CENPU: variants seen among roughly 807,000 people sequenced by gnomAD.
The protein encoded by CENPU is centromere protein U, also known as KSHV latent nuclear antigen interacting protein 1.
CENPU carries 46 observed loss-of-function variants against 56.7 expected under a neutral mutation model. The ratio of observed to expected loss-of-function variants is 0.81; its 90% CI spans 0.64 to 1.04. The LOEUF (loss-of-function observed/expected upper bound fraction) is 1.04. Ranked by LOEUF, CENPU falls within the 50% of genes least tolerant of loss-of-function variation. The probability of loss-of-function intolerance (pLI) is 0.00; values close to 1 mark genes in which losing one functional copy is unlikely to be tolerated. For synonymous variants in CENPU, 166 were observed against 163.0 expected (o/e 1.02, Z -0.14); for missense variants, 510 against 490.1 (o/e 1.04, Z -0.38).
intron 4 of CENPU, among the ~76,000 whole-genome samples, chr4:184,720,158 T>C (rs1761226239): frequency 6.7e-6 from 1 of 150,290 alleles, no homozygotes; most frequent in South Asian, 2.1e-4. Flanking sequence ...AATTCAGAAT[T>C]CTATCAAATA....
chr4:184,697,593 A>G (rs1373774449), intron 12 of CENPU, 54 bp downstream of exon 12: 2 of 1,540,074 alleles, frequency 1.3e-6, no homozygotes, highest in Non-Finnish European at 1.8e-6. Context: ...TAGCATGAAA[A>G]TGCCCTCCCA....
chr4:184,709,411 C>T lies in CENPU; in HGVS notation c.797+661G>A, dbSNP rs547265536. ...CTGAGGCAGGAGAATTGCTTGAACC[C>T]GGGAGGTGGAGGTTTCAGTGAGCCG... On this transcript the variant is annotated intron_variant, in intron 8 of 12. Transcript: ENST00000281453. Among the ~76,000 whole-genome samples, 13 of 151,144 alleles carry T rather than the reference C, an allele frequency of 8.6e-5. No homozygotes were observed. The East Asian group carries it at 2.3e-3, about 27-fold the overall frequency.
intron 11 of CENPU, among the ~76,000 whole-genome samples, chr4:184,700,314 A>G (rs998547747): frequency 6.6e-6 from 1 of 152,212 alleles, no homozygotes; most frequent in Non-Finnish European, 1.5e-5. Context: ...AATTGTCAAC[A>G]CTTACACAGC....
At chr4:184,728,895 G>C (rs1761544903) in intron 3 of CENPU, 23 bp downstream of exon 3, 1 of 1,534,398 alleles carries the variant, frequency 6.5e-7, no homozygotes, top group South Asian at 1.1e-5. Context: ...AGTTATGTTA[G>C]GATAAAGATT....
At position 184,694,158 on chromosome 4, in the gene CENPU, G is replaced by T; in HGVS notation, c.*1130C>A. On this transcript the variant is annotated 3_prime_UTR_variant, in exon 13 of 13. Transcript: ENST00000281453. ...TAAATACTTTAAAATTTAAAGCATG[G>T]GTACTAAGTCCATTGTCAAGATAGC... 2 of 908,592 alleles carry T rather than the reference G, an allele frequency of 2.2e-6. No individual in the cohort carries two copies. Among genetic ancestry groups the T allele is most frequent in the Admixed American group, 5.4e-5 (1 of 18,358 alleles). The allele number at this position is 908,592 out of a possible 1,614,324, so 56.3% of individuals were successfully genotyped here.
chr4:184,716,439 C>T lies in CENPU; in HGVS notation c.576G>A (p.Gln192=), dbSNP rs202168309. 3 of 1,614,038 alleles carry T rather than the reference C, an allele frequency of 1.9e-6. No homozygotes were observed. Among genetic ancestry groups the T allele is most frequent in the East Asian group, 2.2e-5 (1 of 44,896 alleles). Residue 192 remains glutamine (Q), a synonymous_variant, in exon 6 of 13, where the codon CAG becomes CAA. Coordinates refer to ENST00000281453, the MANE Select transcript of CENPU (RefSeq NM_024629.4). ...CCAAGTTCTCTTTTTCAACAGAGGGCTGGGCACTAAGGGGTCCTGTCTTTT... is the reference window on the plus strand; with the variant it reads ...CCAAGTTCTCTTTTTCAACAGAGGGTTGGGCACTAAGGGGTCCTGTCTTTT... ...TSKKTGPLSA[Q]PSVEKENLAI...
intron 2 of CENPU, 62 bp downstream of exon 2, chr4:184,730,858 C>G: frequency 7.5e-7 from 1 of 1,341,112 alleles, no homozygotes; most frequent in Middle Eastern, 1.9e-4. Context: ...ACTGAGGTAC[C>G]CAAAAAATGT....
At chr4:184,697,996 C>T (rs1760399010) in intron 11 of CENPU, 193 bp from the exon 12 acceptor site, 3 of 532,234 alleles carry the variant, frequency 5.6e-6, no homozygotes, top group African/African-American at 3.9e-5. Context: ...CTCTGAAATA[C>T]AATGCACAAT....
In CENPU at chr4:184,700,027, C is replaced by A. The variant is rs1025848297; in HGVS notation, c.986+793G>T. Reference sequence around the variant, plus strand: ...GTTTCAACTTTTCATTATGCACATTCTTTTCTGATAATATCACTGTCTTTC... The same window carrying A: ...GTTTCAACTTTTCATTATGCACATTATTTTCTGATAATATCACTGTCTTTC... On this transcript the variant is annotated intron_variant, in intron 11 of 12. Transcript: ENST00000281453. Among the ~76,000 whole-genome samples the A allele has an allele frequency of 2.6e-5, 4 of 152,190 alleles. No homozygotes were observed. The East Asian group carries it at 7.7e-4, about 29-fold the overall frequency.
chr4:184,716,564 CTT>C lies in CENPU; in HGVS notation c.449_450del (p.Lys150SerfsTer2). The C allele has an allele frequency of 6.2e-7, 1 of 1,614,204 alleles. No homozygotes were observed. The highest frequency in any genetic ancestry group is 8.5e-7 in the Non-Finnish European group (1 of 1,180,026). On this transcript the variant is annotated frameshift_variant, in exon 6 of 13. Transcript: ENST00000281453. LOFTEE classifies it high-confidence loss of function. The stretch of plus-strand genomic sequence containing the variant: ...GTACTTATTTTCTCTGCTGATTTAA[CTT>C]TTCTCCTTGTATCACTTTCTTCAAT... ...ESIEESDTRR[K>X]VKSAEKISTQ...
Position 184,695,355 on chromosome 4 carries a change from A to C in CENPU, c.1190T>G (p.Leu397Arg). 1.2e-6 allele frequency: 2 copies of C among 1,613,582 alleles called. No individual in the cohort carries two copies. The highest frequency in any genetic ancestry group is 1.7e-6 in the Non-Finnish European group (2 of 1,179,552). ...LPALLFKARTLLGAESHLRNI... is the reference protein window; with the variant it reads ...LPALLFKARTRLGAESHLRNI... Reference sequence around the variant, plus strand: ...TCGCAGATGGCTTTCGGCTCCCAGAAGTGTTCTTGCTTTAAATAACAGAGC... The same window carrying C: ...TCGCAGATGGCTTTCGGCTCCCAGACGTGTTCTTGCTTTAAATAACAGAGC... Residue 397 changes from leucine (L) to arginine (R), a missense_variant, in exon 13 of 13, where the codon CTT (leucine) becomes CGT (arginine). By Grantham distance (102) the Leu-to-Arg change is moderately radical (BLOSUM62 -2). Transcript: ENST00000281453.
At chr4:184,725,296 C>T (rs1192617830) in intron 3 of CENPU, among the ~76,000 whole-genome samples, 3 of 152,188 alleles carry the variant, frequency 2.0e-5, no homozygotes, top group Non-Finnish European at 2.9e-5. Context: ...TTTATTACTG[C>T]ACTTACATGG....
chr4:184,719,798 C>G (rs74536359), intron 4 of CENPU, among the ~76,000 whole-genome samples: 132 of 152,262 alleles, frequency 8.7e-4, no homozygotes, highest in African/African-American at 3.0e-3. Context: ...ATCTTGGATA[C>G]GAGCTCAGCC....
At chr4:184,723,581 C>T (rs1266089016) in intron 4 of CENPU, among the ~76,000 whole-genome samples, 2 of 152,134 alleles carry the variant, frequency 1.3e-5, no homozygotes, top group Non-Finnish European at 2.9e-5. Context: ...CGGTGGCTAA[C>T]GCCTGTAATC....
At chr4:184,697,284 G>A (rs1411391998) in intron 12 of CENPU, among the ~76,000 whole-genome samples, 1 of 152,142 alleles carries the variant, frequency 6.6e-6, no homozygotes, top group African/African-American at 2.4e-5. Context: ...AAACAGAAGA[G>A]GCTGGTCTTT....
intron 2 of CENPU, among the ~76,000 whole-genome samples, chr4:184,730,433 CTGTTAA>C (rs1761598217): frequency 1.3e-5 from 2 of 151,548 alleles, no homozygotes; most frequent in African/African-American, 4.9e-5. Context: ...CTGTCATACA[CTGTTAA>C]TGTGAGATTA....
chr4:184,694,535 C>T lies in CENPU; in HGVS notation c.*753G>A, dbSNP rs1384428146. The T allele has an allele frequency of 6.2e-7, 1 of 1,611,322 alleles. No individual in the cohort carries two copies. The highest frequency in any genetic ancestry group is 1.1e-5 in the South Asian group (1 of 91,068). On this transcript the variant is annotated 3_prime_UTR_variant, in exon 13 of 13. Coordinates refer to ENST00000281453, the MANE Select transcript of CENPU (RefSeq NM_024629.4). ...ACTGAAATAAAGGAAGAAGAGTTTA[C>T]AACAGATGAAGCAGATGAAACTAGG... is the stretch of plus-strand genomic sequence containing the variant.
At chr4:184,697,866 G>GT in intron 11 of CENPU, 63 bp from the exon 12 acceptor site, 1 of 1,334,504 alleles carries the variant, frequency 7.5e-7, no homozygotes, top group Non-Finnish European at 1.0e-6. Context: ...AACTGAGGTT[G>GT]TAAGTACGCT....
At chr4:184,702,014 C>T in intron 10 of CENPU, 75 bp downstream of exon 10, 1 of 946,894 alleles carries the variant, frequency 1.1e-6, no homozygotes, top group Non-Finnish European at 1.7e-6. Context: ...GCTGTAAACC[C>T]AGAGTCAAGT....
Sources: allele counts gnomAD v4.1 joint callset (sites outside exome capture counted in the v4.1 genomes callset), GRCh38; gene constraint gnomAD v4.1.1; transcripts MANE v1.5; gene names NCBI Gene and HGNC (gene_info 2026-07-23, HGNC 2026-07-21).